The following AARS1 variants were observed in gnomAD, a reference collection of about 807,000 sequenced individuals.
AARS1 encodes the protein alanine--tRNA ligase, cytoplasmic.
Under a neutral mutation model 108.9 loss-of-function variants are expected in AARS1, and 72 were observed. The observed-to-expected ratio is 0.66, with a 90% confidence interval of 0.55 to 0.80. The LOEUF (loss-of-function observed/expected upper bound fraction) is 0.80, where lower values mean the gene tolerates loss of function less well. Ranked by LOEUF, AARS1 falls within the 30% of genes least tolerant of loss-of-function variation. The pLI is 0.00. For synonymous variants in AARS1, 489 were observed against 465.7 expected, an observed-to-expected ratio of 1.05 and a Z score of -0.64; for missense variants, 1,193 against 1,233.2, an observed-to-expected ratio of 0.97 and a Z score of 0.49.
At chr16:70,284,585 G>A (rs1042398300) in intron 1 of AARS1, among the ~76,000 whole-genome samples, 1 of 152,206 alleles carries the variant, frequency 6.6e-6, no homozygotes, top group African/African-American at 2.4e-5. Flanking sequence ...CTGGGCGACA[G>A]AGACCTTGTG....
chr16:70,265,722 C>G, intron 9 of AARS1, 60 bp from the exon 10 acceptor site: 1 of 1,605,818 alleles, frequency 6.2e-7, no homozygotes. Flanking sequence ...CATGCCAAGC[C>G]CTCCAAAAGG....
chr16:70,287,464 G>GGCTTTACA (rs1339761297), intron 1 of AARS1, among the ~76,000 whole-genome samples: 1 of 150,362 alleles, frequency 6.7e-6, no homozygotes, highest in Non-Finnish European at 1.5e-5. Flanking sequence ...CTGTCACCCA[G>GGCTTTACA]GCTTTACACA....
chr16:70,289,123 A>C (rs1960958363), intron 1 of AARS1, among the ~76,000 whole-genome samples: 1 of 152,122 alleles, frequency 6.6e-6, no homozygotes, highest in Non-Finnish European at 1.5e-5. Flanking sequence ...CAGCTGGCCC[A>C]TCCTTCCTCC....
chr16:70,252,644 G>A lies in AARS1; in HGVS notation c.*77C>T, dbSNP rs1252294519. ...AGGAGGGGCTCTTTAAAGGTCCCAA[G>A]ATTCAAATGTTCTTGTAGCAGATGA... On this transcript the variant is annotated 3_prime_UTR_variant, in exon 21 of 21. Transcript: ENST00000261772. 1 of 1,542,018 alleles carries A rather than the reference G, an allele frequency of 6.5e-7. No individual in the cohort carries two copies. Among genetic ancestry groups the A allele is most frequent in the Non-Finnish European group, 8.9e-7 (1 of 1,119,686 alleles).
At position 70,279,117 on chromosome 16, in the gene AARS1, C is replaced by G. The variant is rs1271949933; in HGVS notation, c.145-1963G>C. ...CTGTAATCCCAGCACTTTGTGGGGC[C>G]GAACCAGGCAGATCACAAGGTCAGG... is the stretch of plus-strand genomic sequence containing the variant. On this transcript the variant is annotated intron_variant, in intron 2 of 20. Transcript: ENST00000261772. Among the ~76,000 whole-genome samples the G allele has an allele frequency of 3.3e-5, 5 of 152,064 alleles. No homozygotes were observed. In the East Asian group the frequency reaches 9.7e-4, roughly 29 times the overall value.
intron 1 of AARS1, among the ~76,000 whole-genome samples, chr16:70,283,603 C>T (rs1009660681): frequency 2.2e-4 from 34 of 152,084 alleles, no homozygotes; most frequent in Non-Finnish European, 4.4e-4. Flanking sequence ...TTAATGTACA[C>T]GCCTAGAACT....
At position 70,252,722 on chromosome 16, in the gene AARS1, C is replaced by G. The variant is rs1173444960; in HGVS notation, c.2906G>C (p.Ter969SerextTer30). ...AQLRLGDVKN[*>S] Reference sequence around the variant, plus strand: ...AGTGGGAGCCTCCTCCTTCCCCACTCAGTTCTTTACATCCCCGAGGCGCAG... The same window carrying G: ...AGTGGGAGCCTCCTCCTTCCCCACTGAGTTCTTTACATCCCCGAGGCGCAG... Residue 969 changes from the stop codon to serine, a stop_lost, in exon 21 of 21, where the codon TGA becomes TCA. Coordinates refer to ENST00000261772, the MANE Select transcript of AARS1 (RefSeq NM_001605.3). 3 of 1,613,916 alleles carry G rather than the reference C, an allele frequency of 1.9e-6. No homozygotes were observed. The African/African-American group carries it at 4.0e-5, about 22-fold the overall frequency.
At chr16:70,275,443 G>A (rs1378788223) in intron 4 of AARS1, among the ~76,000 whole-genome samples, 1 of 151,542 alleles carries the variant, frequency 6.6e-6, no homozygotes, top group Non-Finnish European at 1.5e-5. Context: ...GTGAAACCCA[G>A]TCTCTACTAA....
chr16:70,282,231 G>C (rs1458478286), intron 2 of AARS1, among the ~76,000 whole-genome samples: 2 of 149,560 alleles, frequency 1.3e-5, no homozygotes, highest in East Asian at 3.9e-4. Context: ...CGGGAGGCTG[G>C]GGCAGGAGAA....
intron 6 of AARS1, 49 bp from the exon 7 acceptor site, chr16:70,269,812 C>T (rs766339917): frequency 1.9e-5 from 30 of 1,611,044 alleles, no homozygotes; most frequent in Non-Finnish European, 2.3e-5. Context: ...GACTTTCTGG[C>T]GCTACCTTGC....
rs1960984763 is a variant in AARS1 at position 70,289,490 on chromosome 16, C to T, written c.-91G>A. ...GCCAAGGGCCCGCTGCACCTATTCC[C>T]GCAGACGCGCAGCTGTACCGGCCTC... On this transcript the variant is annotated 5_prime_UTR_variant, in exon 1 of 21. Coordinates refer to ENST00000261772, the MANE Select transcript of AARS1 (RefSeq NM_001605.3). The T allele has an allele frequency of 2.3e-6, 1 of 444,322 alleles. No homozygotes were observed. Among genetic ancestry groups the T allele is most frequent in the Non-Finnish European group, 4.5e-6 (1 of 220,096 alleles). 27.5% of individuals were successfully genotyped at this position (444,322 alleles called of 1,614,324 possible).
intron 2 of AARS1, among the ~76,000 whole-genome samples, chr16:70,279,230 AG>A (rs1960629536): frequency 6.6e-6 from 1 of 151,224 alleles, no homozygotes; most frequent in South Asian, 2.1e-4. Flanking sequence ...GGGTGCCTGT[AG>A]TCCCAGCTAC....
rs753398944 is a variant in AARS1, at chr16:70,259,175, T to A, written c.1797A>T (p.Arg599Ser). The part of the protein sequence containing the change: ...VWLFIDEPRR[R>S]PIMSNHTATH... ...TAGCTGTGTGGTTGCTCATGATGGG[T>A]CTTCGTCGGGGCTGGAAAGGGCAGA... The change falls in exon 14 of 21, where the codon AGA becomes AGT. Residue 599 changes from arginine to serine, a missense_variant. Physicochemically the swap from Arg to Ser is moderately radical, Grantham distance 110. Coordinates refer to ENST00000261772, the MANE Select transcript of AARS1 (RefSeq NM_001605.3). The A allele has an allele frequency of 1.2e-6, 2 of 1,614,034 alleles. No homozygotes were observed. Among genetic ancestry groups the A allele is most frequent in the African/African-American group, 1.3e-5 (1 of 75,040 alleles).
At position 70,255,420 on chromosome 16, in the gene AARS1, G is replaced by A. The variant is rs548062687; in HGVS notation, c.2286+308C>T. ...TCAGTATGTTGGTCAGGCTGGTCTC[G>A]AACTCTTGACCTAGTGATCCACCCG... On this transcript the variant is annotated intron_variant, in intron 16 of 20. Transcript: ENST00000261772. 7.2e-5 allele frequency among the ~76,000 whole-genome samples: 11 copies of A among 152,032 alleles called. No homozygotes were observed. In the East Asian group the frequency reaches 1.6e-3, roughly 21 times the overall value.
At position 70,266,691 on chromosome 16, in the gene AARS1, T is replaced by C. The variant is rs1222488966; in HGVS notation, c.1222+968A>G. ...TGCCCGCCATCATGCATGGCTAATT[T>C]TTGCATTTTTAGTAGAGATGGGGTT... On this transcript the variant is annotated intron_variant, in intron 9 of 20. Coordinates refer to ENST00000261772, the MANE Select transcript of AARS1 (RefSeq NM_001605.3). Among the ~76,000 whole-genome samples the C allele has an allele frequency of 2.0e-5, 3 of 151,760 alleles. No homozygotes were observed. The East Asian group carries it at 5.9e-4, about 30-fold the overall frequency.
chr16:70,263,963 T>C (rs191211405), intron 11 of AARS1, among the ~76,000 whole-genome samples: 58 of 152,026 alleles, frequency 3.8e-4, no homozygotes, highest in Non-Finnish European at 1.6e-4. Flanking sequence ...AATACTATTA[T>C]CCGGTCGGGC....
Position 70,252,652 on chromosome 16 carries a change from T to C in AARS1, c.*69A>G, listed in dbSNP as rs1319711766. On this transcript the variant is annotated 3_prime_UTR_variant, in exon 21 of 21. Coordinates refer to ENST00000261772, the MANE Select transcript of AARS1 (RefSeq NM_001605.3). ...CTCTTTAAAGGTCCCAAGATTCAAA[T>C]GTTCTTGTAGCAGATGAAGAGCTCT... is the stretch of plus-strand genomic sequence containing the variant. The C allele has an allele frequency of 1.9e-6, 3 of 1,560,482 alleles. No homozygotes were observed. In the African/African-American group the frequency reaches 4.1e-5, roughly 21 times the overall value.
Position 70,282,299 on chromosome 16 carries a change from A to T in AARS1, c.144+321T>A, listed in dbSNP as rs1407802553. On this transcript the variant is annotated intron_variant, in intron 2 of 20. Transcript: ENST00000261772. ...AGCCGAGATTGCACCACTGCACTCC[A>T]GCCTGGATGACAGAGCGAGACTCCG... Among the ~76,000 whole-genome samples the T allele has an allele frequency of 5.7e-5, 8 of 141,554 alleles. No individual in the cohort carries two copies. The Admixed American group carries it at 5.9e-4, about 10-fold the overall frequency. 92.9% of individuals were successfully genotyped at this position (141,554 alleles called of 152,430 possible).
chr16:70,287,820 AT>A (rs1960889235), intron 1 of AARS1, among the ~76,000 whole-genome samples: 1 of 151,260 alleles, frequency 6.6e-6, no homozygotes, highest in Non-Finnish European at 1.5e-5. Context: ...CTGGAGTGCA[AT>A]GGTGCGCAAC....
Sources: allele counts gnomAD v4.1 joint callset (sites outside exome capture counted in the v4.1 genomes callset), GRCh38; gene constraint gnomAD v4.1.1; transcripts MANE v1.5; gene names NCBI Gene and HGNC (gene_info 2026-07-23, HGNC 2026-07-21).